Variants in DOCK3 observed in about 807,000 individuals in gnomAD.
DOCK3 encodes the protein dedicator of cytokinesis 3, also known as dedicator of cytokinesis protein 3.
In DOCK3, 60 loss-of-function variants were observed where a neutral mutation model predicts 265.6. That is an observed-to-expected ratio of 0.23 (90% CI 0.18 to 0.28). The LOEUF is 0.28. DOCK3 is among the 10% of genes least tolerant of loss of function. The pLI, the probability that DOCK3 is intolerant of heterozygous loss-of-function variation, is 1.00. For missense variants in DOCK3, 1,981 were observed against 2,594.3 expected (o/e 0.76, Z 5.14); for synonymous variants, 881 against 938.0 (o/e 0.94, Z 1.11).
chr3:50,777,477 C>T (rs2041672588), intron 1 of DOCK3, among the ~76,000 whole-genome samples: 1 of 152,080 alleles, frequency 6.6e-6, no homozygotes, highest in Non-Finnish European at 1.5e-5. Context: ...ATGGGAATTG[C>T]ATCGAATCTG....
rs190978423 is a variant in DOCK3, at chr3:50,846,830, A to G, written c.162+5115A>G. 2.1e-4 allele frequency among the ~76,000 whole-genome samples: 32 copies of G among 151,978 alleles called. 1 individual carries two copies. Among genetic ancestry groups the G allele is most frequent in the African/African-American group, 6.8e-4 (28 of 41,458 alleles). On this transcript the variant is annotated intron_variant, in intron 3 of 52. Coordinates refer to ENST00000266037, the MANE Select transcript of DOCK3 (RefSeq NM_004947.5). ...TACGTGTTCCTAATGGTGTTTGAGGATCTTTCGTATTTGTGTGGGATTGGC... is the reference window on the plus strand; with the variant it reads ...TACGTGTTCCTAATGGTGTTTGAGGGTCTTTCGTATTTGTGTGGGATTGGC...
At chr3:50,690,940 C>T (rs2035195014) in intron 1 of DOCK3, among the ~76,000 whole-genome samples, 4 of 151,842 alleles carry the variant, frequency 2.6e-5, no homozygotes, top group African/African-American at 9.7e-5. Flanking sequence ...TGTGCCTGGC[C>T]TCTACTTCCT....
At chr3:50,793,145 T>C (rs1470963680) in intron 2 of DOCK3, among the ~76,000 whole-genome samples, 1 of 152,158 alleles carries the variant, frequency 6.6e-6, no homozygotes, top group Non-Finnish European at 1.5e-5. Context: ...GGAGGGGGTA[T>C]GTGTCCAGGA....
At chr3:50,732,901 A>G (rs1461405437) in intron 1 of DOCK3, among the ~76,000 whole-genome samples, 2 of 152,290 alleles carry the variant, frequency 1.3e-5, no homozygotes, top group Non-Finnish European at 2.9e-5. Flanking sequence ...AAATTTAAAG[A>G]TAATGTGTTC....
chr3:51,306,729 T>C (rs1204584925), intron 27 of DOCK3, among the ~76,000 whole-genome samples: 1 of 152,230 alleles, frequency 6.6e-6, no homozygotes, highest in East Asian at 1.9e-4. Context: ...TATTCTTCAA[T>C]CCTAGAATTT....
intron 5 of DOCK3, among the ~76,000 whole-genome samples, chr3:50,960,145 A>G (rs1450804220): frequency 9.2e-5 from 14 of 152,218 alleles, no homozygotes; most frequent in Non-Finnish European, 4.4e-5. Context: ...ATTATGAATA[A>G]TACTGCAATG....
intron 49 of DOCK3, among the ~76,000 whole-genome samples, chr3:51,363,721 G>C (rs2086910936): frequency 6.6e-6 from 1 of 152,192 alleles, no homozygotes; most frequent in Admixed American, 6.5e-5. Flanking sequence ...TCACCTATGA[G>C]TGAGAACATG....
At chr3:51,011,363 T>C (rs927652285) in intron 5 of DOCK3, among the ~76,000 whole-genome samples, 2 of 152,228 alleles carry the variant, frequency 1.3e-5, no homozygotes, top group Non-Finnish European at 2.9e-5. Flanking sequence ...TCTCGCTTCA[T>C]TTCATTCATT....
chr3:51,308,468 G>T (rs2082833546), intron 27 of DOCK3, among the ~76,000 whole-genome samples: 1 of 151,316 alleles, frequency 6.6e-6, no homozygotes. Context: ...AGCACATCTT[G>T]CACCGCCCTT....
intron 27 of DOCK3, among the ~76,000 whole-genome samples, chr3:51,295,334 A>G (rs1043131946): frequency 1.3e-5 from 2 of 152,240 alleles, no homozygotes; most frequent in Non-Finnish European, 2.9e-5. Flanking sequence ...GGAAGGTGCC[A>G]GGCTCTGTTT....
intron 4 of DOCK3, among the ~76,000 whole-genome samples, chr3:50,928,220 T>G (rs1346839398): frequency 6.6e-6 from 1 of 151,522 alleles, no homozygotes; most frequent in Non-Finnish European, 1.5e-5. Flanking sequence ...TTCACAATGT[T>G]GTGCAGCCAT....
Position 50,808,704 on chromosome 3 carries a change from G to A in DOCK3, c.121+29946G>A, listed in dbSNP as rs545991927. Among the ~76,000 whole-genome samples the A allele has an allele frequency of 2.0e-5, 3 of 152,328 alleles. No individual in the cohort carries two copies. The South Asian group carries it at 6.2e-4, about 32-fold the overall frequency. On this transcript the variant is annotated intron_variant, in intron 2 of 52. Coordinates refer to ENST00000266037, the MANE Select transcript of DOCK3 (RefSeq NM_004947.5). ...GCCATTCTCTTTCCCACAGATTCTG[G>A]ATCTTACCCTTGAAGGGAAAGGGGT...
chr3:51,076,156 G>C (rs1281300355), intron 7 of DOCK3, among the ~76,000 whole-genome samples: 1 of 152,208 alleles, frequency 6.6e-6, no homozygotes, highest in African/African-American at 2.4e-5. Context: ...AAGGACCTAA[G>C]GAAATTTGCC....
In DOCK3 at chr3:50,933,997, G is replaced by T. The variant is rs185424000; in HGVS notation, c.235G>T (p.Val79Phe). ...VSNRGQYETV[V>F]PLEDSIVTEV... is the part of the protein sequence containing the mutation. ...TGGTTCTAGGCAGTATGAAACTGTG[G>T]TTCCACTTGAAGATTCTATTGTGAC... Residue 79 changes from valine to phenylalanine, a missense_variant, in exon 5 of 53, where the codon GTT becomes TTT. Val to Phe is a conservative substitution (Grantham distance 50). Coordinates refer to ENST00000266037, the MANE Select transcript of DOCK3 (RefSeq NM_004947.5). 2 of 1,605,730 alleles carry T rather than the reference G, an allele frequency of 1.2e-6. No individual in the cohort carries two copies. Among genetic ancestry groups the T allele is most frequent in the Non-Finnish European group, 1.7e-6 (2 of 1,175,276 alleles).
At chr3:50,794,910 T>A (rs6807662) in intron 2 of DOCK3, among the ~76,000 whole-genome samples, 143,521 of 152,228 alleles carry the variant, frequency 0.94, 68,291 homozygotes, top group East Asian at 1. Context: ...AGGAGCTCTT[T>A]TAAGGCGGGT....
chr3:51,358,882 A>C (rs956822065), intron 46 of DOCK3, among the ~76,000 whole-genome samples: 2 of 152,172 alleles, frequency 1.3e-5, no homozygotes, highest in African/African-American at 4.8e-5. Flanking sequence ...CCCCCTATTC[A>C]CATATCCAAA....
chr3:51,249,306 C>T (rs1247532766), intron 22 of DOCK3, among the ~76,000 whole-genome samples: 8 of 144,140 alleles, frequency 5.6e-5, no homozygotes, highest in Admixed American at 1.3e-4. Context: ...CCCAACCAGC[C>T]GCCCCGTCCG....
chr3:50,978,827 G>A (rs1326270151), intron 5 of DOCK3, among the ~76,000 whole-genome samples: 2 of 152,206 alleles, frequency 1.3e-5, no homozygotes. Context: ...TCCGAGCCAC[G>A]TGCGGGATAT....
intron 21 of DOCK3, among the ~76,000 whole-genome samples, chr3:51,238,323 T>C (rs2078443226): frequency 6.6e-6 from 1 of 151,776 alleles, no homozygotes; most frequent in Non-Finnish European, 1.5e-5. Context: ...TTTGTATTTT[T>C]AGTAGAGTCA....
Sources: gnomAD v4.1 joint callset for allele counts (sites outside exome capture counted in the v4.1 genomes callset) on GRCh38, gnomAD v4.1.1 for gene constraint, MANE v1.5 for transcripts, NCBI Gene and HGNC (gene_info 2026-07-23, HGNC 2026-07-21) for gene names.